COPS9: variants seen among roughly 807,000 people sequenced by gnomAD.
COPS9 encodes the protein COP9 signalosome subunit 9.
In COPS9, 8 loss-of-function variants were observed where a neutral mutation model predicts 7.2. The ratio of observed to expected loss-of-function variants is 1.11; its 90% CI spans 0.65 to 2.00. The LOEUF (loss-of-function observed/expected upper bound fraction) is 2.00. Among genes scored for constraint, COPS9 ranks in the 30% most tolerant of loss-of-function variants. The pLI, the probability that COPS9 is intolerant of heterozygous loss-of-function variation, is 0.00. For synonymous variants in COPS9, 39 were observed against 28.7 expected (o/e 1.36, Z -1.14); for missense variants, 74 against 77.7 (o/e 0.95, Z 0.18).
At chr2:240,131,850 AAG>A (rs1349121715) in intron 2 of COPS9, among the ~76,000 whole-genome samples, 1 of 152,180 alleles carries the variant, frequency 6.6e-6, no homozygotes, top group Non-Finnish European at 1.5e-5. Flanking sequence ...ATGAACTAGA[AAG>A]AGGAGGTTCA....
At chr2:240,126,968 A>C (rs181426475), downstream of COPS9, 101 of 1,601,632 alleles carry the variant, frequency 6.3e-5, 1 homozygote, top group East Asian at 2.2e-3. Flanking sequence ...AGCTCGTGAC[A>C]CTAGAACGAG....
chr2:240,129,218 A>G (rs75413488), downstream of COPS9, among the ~76,000 whole-genome samples: 2,368 of 152,332 alleles, frequency 0.016, 43 homozygotes, highest in East Asian at 0.089. Flanking sequence ...GCTGGAGTGC[A>G]GTGGTGCAAT....
Position 240,132,242 on chromosome 2 carries a change from AAG to A in COPS9, c.137-1156_137-1155del, listed in dbSNP as rs1178034994. 1.3e-5 allele frequency among the ~76,000 whole-genome samples: 2 copies of A among 152,262 alleles called. No individual in the cohort carries two copies. Among genetic ancestry groups the A allele is most frequent in the Admixed American group, 6.5e-5 (1 of 15,300 alleles). On this transcript the variant is annotated intron_variant, in intron 2 of 2. Transcript: ENST00000607357. This position sits in a 1 kb window ranked among gnomAD's most constrained non-coding sequence, Gnocchi z 4.1. ...ACAATTTTGTAAGACATGGCGAGGGAAGAGAGAGTGTCTCTTTCGTGGCTAGA... is the reference window on the plus strand; with the variant it reads ...ACAATTTTGTAAGACATGGCGAGGGAAGAGAGTGTCTCTTTCGTGGCTAGA...
intron 1 of COPS9, among the ~76,000 whole-genome samples, chr2:240,135,658 G>A (rs1167220087): frequency 6.6e-6 from 1 of 152,174 alleles, no homozygotes; most frequent in Non-Finnish European, 1.5e-5. Context: ...TTAAAAAGAA[G>A]AACGAGGCCA....
At chr2:240,127,342 C>A (rs896007863), downstream of COPS9, among the ~76,000 whole-genome samples, 4 of 151,674 alleles carry the variant, frequency 2.6e-5, no homozygotes, top group African/African-American at 9.7e-5. Flanking sequence ...TAGGTCCAGT[C>A]CCAGGGCCCC....
At chr2:240,131,144 A>T in intron 2 of COPS9, 56 bp from the exon 3 acceptor site, 6 of 1,566,892 alleles carry the variant, frequency 3.8e-6, no homozygotes, top group Non-Finnish European at 5.2e-6. Context: ...GGCTGAAGAA[A>T]TCACTTCAGA....
rs772283670 is a variant in COPS9, at chr2:240,134,056, GGTGATAA to G, written c.64-58_64-52del. On this transcript the variant is annotated intron_variant, in intron 1 of 2. Transcript: ENST00000607357. The stretch of plus-strand genomic sequence containing the variant: ...GTCAGGTGCGTTTTCCGAAAGAACA[GGTGATAA>G]GTGCATTGCAGGGCCACTACCCCCA... The G allele has an allele frequency of 1.0e-5, 16 of 1,568,528 alleles. No individual in the cohort carries two copies. In the East Asian group the frequency reaches 3.6e-4, roughly 35 times the overall value.
downstream of COPS9, chr2:240,129,873 G>T: frequency 6.4e-7 from 1 of 1,565,776 alleles, no homozygotes; most frequent in Non-Finnish European, 8.8e-7. Context: ...TCAACGTGCG[G>T]CCCAGTGCAG....
In COPS9 at chr2:240,132,092, G is replaced by C. The variant is rs78427272; in HGVS notation, c.137-1004C>G. Among the ~76,000 whole-genome samples the C allele has an allele frequency of 5.3e-5, 8 of 152,118 alleles. No homozygotes were observed. Among genetic ancestry groups the C allele is most frequent in the Non-Finnish European group, 1.2e-4 (8 of 68,030 alleles). On this transcript the variant is annotated intron_variant, in intron 2 of 2. Coordinates refer to ENST00000607357, the MANE Select transcript of COPS9 (RefSeq NM_001163424.2). The surrounding 1 kb of genome is among the most constrained non-coding windows in gnomAD (Gnocchi z 4.1). ...GGGCCTGGCTGACTCCACACCTTCC[G>C]ACCTCTGCTCTGCTGCCCCCTCTGG... is the stretch of plus-strand genomic sequence containing the variant.
Position 240,130,843 on chromosome 2 carries a change from T to G in COPS9, c.*208A>C. The G allele has an allele frequency of 7.1e-7, 1 of 1,405,094 alleles. No homozygotes were observed. 87.0% of individuals were successfully genotyped at this position (1,405,094 alleles called of 1,614,324 possible). On this transcript the variant is annotated 3_prime_UTR_variant, in exon 3 of 3. Transcript: ENST00000607357. ...ACTCCACATGTGACATTGCTTTCTT[T>G]TAATTGGAGTGAGGACAAAACCTGA...
Position 240,131,425 on chromosome 2 carries a change from G to A in COPS9, c.137-337C>T, listed in dbSNP as rs936440457. 7.2e-5 allele frequency among the ~76,000 whole-genome samples: 11 copies of A among 152,328 alleles called. No individual in the cohort carries two copies. The South Asian group carries it at 1.5e-3, about 20-fold the overall frequency. On this transcript the variant is annotated intron_variant, in intron 2 of 2. Coordinates refer to ENST00000607357, the MANE Select transcript of COPS9 (RefSeq NM_001163424.2). ...CAGTGCCGTGTCTGCACCCACGAGT[G>A]CACGGGCACCCAAGATGCTGCCCTC...
intron 1 of COPS9, chr2:240,135,826 C>T: frequency 1.1e-5 from 2 of 184,666 alleles, no homozygotes; most frequent in South Asian, 1.8e-4. Context: ...TCCCCCAAAT[C>T]CCCTAACACG....
intron 2 of COPS9, among the ~76,000 whole-genome samples, chr2:240,131,834 T>G (rs1271077443): frequency 1.3e-5 from 2 of 152,120 alleles, no homozygotes; most frequent in African/African-American, 4.8e-5. Flanking sequence ...ATGTGCAGTA[T>G]GAATTATGAA....
chr2:240,136,240 G>C lies in COPS9; in HGVS notation c.45C>G (p.Pro15=), dbSNP rs1250481889. The change falls in exon 1 of 3, where the codon CCC becomes CCG. Residue 15 remains proline (P), a synonymous_variant. Coordinates refer to ENST00000607357, the MANE Select transcript of COPS9 (RefSeq NM_001163424.2). ...VDEMFPEGAG[P]YVDLDEAGGS... Reference sequence around the variant, plus strand: ...GTGCCACCTCGTCCAGGTCCACGTAGGGCCCGGCGCCCTCGGGGAACATCT... The same window carrying C: ...GTGCCACCTCGTCCAGGTCCACGTACGGCCCGGCGCCCTCGGGGAACATCT... The C allele has an allele frequency of 9.6e-6, 15 of 1,564,240 alleles. No homozygotes were observed. The East Asian group carries it at 3.4e-4, about 35-fold the overall frequency.
Position 240,133,855 on chromosome 2 carries a change from C to T in COPS9, c.136+78G>A, listed in dbSNP as rs1490651597. 3 of 1,417,880 alleles carry T rather than the reference C, an allele frequency of 2.1e-6. No individual in the cohort carries two copies. In the African/African-American group the frequency reaches 4.2e-5, roughly 20 times the overall value. 87.8% of individuals were successfully genotyped at this position (1,417,880 alleles called of 1,614,324 possible). On this transcript the variant is annotated intron_variant, in intron 2 of 2. Coordinates refer to ENST00000607357, the MANE Select transcript of COPS9 (RefSeq NM_001163424.2). The stretch of plus-strand genomic sequence containing the variant: ...ACCTTATGATCCAAATTATTCATGT[C>T]ACCAAGTTGCTTCACTGCCTTCACC...
chr2:240,134,750 C>A (rs997208228), intron 1 of COPS9, among the ~76,000 whole-genome samples: 1 of 152,088 alleles, frequency 6.6e-6, no homozygotes, highest in South Asian at 2.1e-4. Flanking sequence ...GACACTCAGT[C>A]TCCTCCCCTG....
downstream of COPS9, among the ~76,000 whole-genome samples, chr2:240,128,490 G>A (rs1477314698): frequency 6.6e-6 from 1 of 152,144 alleles, no homozygotes; most frequent in Non-Finnish European, 1.5e-5. Context: ...GCTCCAAGAC[G>A]CAGGCAGGCA....
intron 1 of COPS9, among the ~76,000 whole-genome samples, chr2:240,134,599 A>G (rs2071955314): frequency 6.6e-6 from 1 of 152,140 alleles, no homozygotes; most frequent in African/African-American, 2.4e-5. Flanking sequence ...GATTCCTCTG[A>G]CAGCAGCACC....
chr2:240,135,387 T>G (rs953803848), intron 1 of COPS9, among the ~76,000 whole-genome samples: 2 of 152,132 alleles, frequency 1.3e-5, no homozygotes, highest in African/African-American at 4.8e-5. Flanking sequence ...CTATGACACC[T>G]GGTATTTGCA....
Sources: allele counts gnomAD v4.1 joint callset (sites outside exome capture counted in the v4.1 genomes callset), GRCh38; gene constraint gnomAD v4.1.1; non-coding constraint Gnocchi (gnomAD v3.1); transcripts MANE v1.5; gene names NCBI Gene and HGNC (gene_info 2026-07-23, HGNC 2026-07-21).